Variants in CTDSPL observed in about 807,000 individuals in gnomAD.
The protein encoded by CTDSPL is CTD small phosphatase-like protein.
A neutral mutation model predicts 30.5 loss-of-function variants in CTDSPL; 8 were observed. The ratio of observed to expected loss-of-function variants is 0.26; its 90% CI spans 0.15 to 0.47. The LOEUF (loss-of-function observed/expected upper bound fraction) is 0.47. CTDSPL is among the 20% of genes least tolerant of loss of function. CTDSPL has a pLI of 0.99. For missense variants in CTDSPL, 248 were observed against 366.1 expected (o/e 0.68, Z 2.63); for synonymous variants, 110 against 137.9 (o/e 0.80, Z 1.42).
In CTDSPL at chr3:37,888,934, G is replaced by A. The variant is rs188121417; in HGVS notation, c.79+26656G>A. Among the ~76,000 whole-genome samples, 24 of 152,368 alleles carry A rather than the reference G, an allele frequency of 1.6e-4. No individual in the cohort carries two copies. The East Asian group carries it at 4.2e-3, about 27-fold the overall frequency. On this transcript the variant is annotated intron_variant, in intron 1 of 7. Transcript: ENST00000273179. Reference sequence around the variant, plus strand: ...AGCCTACCATTTTCCTTAGCAAGAAGCTGCTGTGGAATGAGTTCCTGGGAG... The same window carrying A: ...AGCCTACCATTTTCCTTAGCAAGAAACTGCTGTGGAATGAGTTCCTGGGAG...
chr3:37,921,607 C>CCA (rs58395906), intron 1 of CTDSPL, among the ~76,000 whole-genome samples: 4,421 of 147,684 alleles, frequency 0.03, 184 homozygotes, highest in African/African-American at 0.087. Context: ...ACCCTAACTA[C>CCA]CACACACACA....
At chr3:37,977,601 C>G (rs1458128786) in intron 7 of CTDSPL, among the ~76,000 whole-genome samples, 1 of 148,278 alleles carries the variant, frequency 6.7e-6, no homozygotes, top group Non-Finnish European at 1.5e-5. Flanking sequence ...AAGAATATAT[C>G]ATAGAGGCCA....
At chr3:37,891,405 A>T (rs766287528) in intron 1 of CTDSPL, among the ~76,000 whole-genome samples, 2 of 152,206 alleles carry the variant, frequency 1.3e-5, no homozygotes, top group African/African-American at 2.4e-5. Context: ...GTGGTTGTGA[A>T]GGAAAGGGCC....
At chr3:37,927,198 C>G (rs910257494) in intron 1 of CTDSPL, among the ~76,000 whole-genome samples, 1 of 152,024 alleles carries the variant, frequency 6.6e-6, no homozygotes, top group Non-Finnish European at 1.5e-5. Context: ...GGGCAAAGGG[C>G]TTGAATAGAT....
rs1488756267 is a variant in CTDSPL at position 37,947,063 on chromosome 3, A to C, written c.86A>C (p.Gln29Pro). 1 of 1,613,182 alleles carries C rather than the reference A, an allele frequency of 6.2e-7. No individual in the cohort carries two copies. The change falls in exon 2 of 8, where the codon CAG becomes CCG. Residue 29 changes from glutamine (Q) to proline (P), a missense_variant. By Grantham distance (76) the Gln-to-Pro change is moderately conservative. Transcript: ENST00000273179. ...RLPGAGEKASQCNVSLKKQRS... is the reference protein window; with the variant it reads ...RLPGAGEKASPCNVSLKKQRS... ...GCTCTGTTTCTGTTTCCAGCCTCCC[A>C]GTGCAACGTCAGCTTAAAGAAGCAG...
At chr3:37,948,976 G>A (rs976892252) in intron 2 of CTDSPL, among the ~76,000 whole-genome samples, 38 of 150,706 alleles carry the variant, frequency 2.5e-4, no homozygotes, top group African/African-American at 7.8e-4. Context: ...GCCCGCCACC[G>A]CGCCCGGCTA....
chr3:37,927,361 T>C (rs1698792044), intron 1 of CTDSPL, among the ~76,000 whole-genome samples: 2 of 152,164 alleles, frequency 1.3e-5, no homozygotes, highest in African/African-American at 4.8e-5. Context: ...ATATGAAATA[T>C]AAATGAATTT....
At chr3:37,909,229 G>A (rs1698552666) in intron 1 of CTDSPL, among the ~76,000 whole-genome samples, 1 of 152,202 alleles carries the variant, frequency 6.6e-6, no homozygotes, top group Non-Finnish European at 1.5e-5. Flanking sequence ...TGCCCCTGTG[G>A]TGTCCTGGCT....
intron 1 of CTDSPL, among the ~76,000 whole-genome samples, chr3:37,877,452 A>G (rs147427608): frequency 1.5e-4 from 23 of 152,342 alleles, no homozygotes; most frequent in Non-Finnish European, 3.1e-4. Flanking sequence ...TTAAGGCTGA[A>G]TAGTGGTCCA....
At position 37,872,345 on chromosome 3, in the gene CTDSPL, C is replaced by A. The variant is rs147800754; in HGVS notation, c.79+10067C>A. Among the ~76,000 whole-genome samples, 18 of 151,794 alleles carry A rather than the reference C, an allele frequency of 1.2e-4. No individual in the cohort carries two copies. The East Asian group carries it at 3.5e-3, about 29-fold the overall frequency. On this transcript the variant is annotated intron_variant, in intron 1 of 7. Coordinates refer to ENST00000273179, the MANE Select transcript of CTDSPL (RefSeq NM_001008392.2). ...ATTTATTGTTTTTTTTCATTCAGTT[C>A]GGGAAGTCCTTGTTCTTCGTATAAT...
chr3:37,950,448 G>A (rs1699094074), intron 2 of CTDSPL, among the ~76,000 whole-genome samples: 1 of 152,162 alleles, frequency 6.6e-6, no homozygotes, highest in South Asian at 2.1e-4. Flanking sequence ...GTAACATTTG[G>A]AACTTAAAAA....
chr3:37,889,683 A>G (rs1698302751), intron 1 of CTDSPL, among the ~76,000 whole-genome samples: 1 of 152,232 alleles, frequency 6.6e-6, no homozygotes, highest in South Asian at 2.1e-4. Context: ...TGAATGGAAA[A>G]AATTAGCCAC....
In CTDSPL at chr3:37,871,063, T is replaced by C. The variant is rs78247611; in HGVS notation, c.79+8785T>C. ...ACATATACCTACCATTATAGTATTA[T>C]ACAGAATAATTTCATTGCCCTAAAC... On this transcript the variant is annotated intron_variant, in intron 1 of 7. Transcript: ENST00000273179. 1.8e-3 allele frequency among the ~76,000 whole-genome samples: 278 copies of C among 152,336 alleles called. 6 individuals carry two copies. In the East Asian group the frequency reaches 0.05, roughly 27 times the overall value.
chr3:37,901,517 A>G (rs144736764), intron 1 of CTDSPL, among the ~76,000 whole-genome samples: 183 of 152,346 alleles, frequency 1.2e-3, no homozygotes, highest in African/African-American at 4.2e-3. Flanking sequence ...AAGGCACTAA[A>G]ACAGATGAGC....
chr3:37,947,516 C>T (rs936293733), intron 2 of CTDSPL, among the ~76,000 whole-genome samples: 1 of 152,026 alleles, frequency 6.6e-6, no homozygotes, highest in Non-Finnish European at 1.5e-5. Flanking sequence ...GCCAAGATCC[C>T]GCCATTGCAC....
chr3:37,913,609 T>G (rs1698608440), intron 1 of CTDSPL, among the ~76,000 whole-genome samples: 1 of 152,210 alleles, frequency 6.6e-6, no homozygotes, highest in Non-Finnish European at 1.5e-5. Flanking sequence ...AAGGATTTAT[T>G]AATCTGTTTA....
At chr3:37,958,223 C>A (rs1699196752) in intron 3 of CTDSPL, among the ~76,000 whole-genome samples, 1 of 152,164 alleles carries the variant, frequency 6.6e-6, no homozygotes, top group Non-Finnish European at 1.5e-5. Flanking sequence ...TTTCATTTTT[C>A]TCAAAACTCT....
intron 3 of CTDSPL, among the ~76,000 whole-genome samples, chr3:37,963,771 G>C (rs1200414741): frequency 1.3e-5 from 2 of 152,000 alleles, no homozygotes; most frequent in African/African-American, 4.8e-5. Flanking sequence ...CACGAGATTT[G>C]AGTCACCTGC....
chr3:37,971,013 A>G (rs1389818297), intron 5 of CTDSPL, among the ~76,000 whole-genome samples: 1 of 152,224 alleles, frequency 6.6e-6, no homozygotes, highest in Non-Finnish European at 1.5e-5. Flanking sequence ...CTGAAAGGAC[A>G]ACACCCAGAC....
Sources: gnomAD v4.1 joint callset for allele counts (sites outside exome capture counted in the v4.1 genomes callset) on GRCh38, gnomAD v4.1.1 for gene constraint, MANE v1.5 for transcripts, NCBI Gene and HGNC (gene_info 2026-07-23, HGNC 2026-07-21) for gene names.